CHM: variants seen among roughly 807,000 people sequenced by gnomAD.
CHM encodes CHM Rab escort protein, also known as rab proteins geranylgeranyltransferase component A 1.
CHM carries 10 observed loss-of-function variants against 49.0 expected under a neutral mutation model. The ratio of observed to expected loss-of-function variants is 0.20; its 90% CI spans 0.13 to 0.35. The LOEUF (loss-of-function observed/expected upper bound fraction) is 0.35. CHM is among the 10% of genes least tolerant of loss of function. The probability of loss-of-function intolerance (pLI) is 1.00; values close to 1 mark genes in which losing one functional copy is unlikely to be tolerated. For missense variants in CHM, 455 were observed against 478.4 expected (o/e 0.95, Z 0.46); for synonymous variants, 184 against 167.5 (o/e 1.10, Z -0.76).
intron 2 of CHM, among the ~76,000 whole-genome samples, chrX:85,993,535 T>C (rs979052675): frequency 8.9e-6 from 1 of 112,189 alleles, no homozygotes; most frequent in Non-Finnish European, 1.9e-5. Context: ...ACTACTGCCA[T>C]TGTGATCAGG....
chrX:85,955,068 A>G (rs1262304693), intron 8 of CHM, among the ~76,000 whole-genome samples: 2 of 111,468 alleles, frequency 1.8e-5, no homozygotes, highest in African/African-American at 6.5e-5. Flanking sequence ...ATGGAGACAG[A>G]GAGTAAAAGG....
chrX:85,872,440 C>T, intron 14 of CHM, among the ~76,000 whole-genome samples: 1 of 111,862 alleles, frequency 8.9e-6, no homozygotes. Flanking sequence ...TGTGCCTCTT[C>T]ATAGCCCTGA....
In CHM at chrX:85,916,511, C is replaced by T. The variant is rs192163146; in HGVS notation, c.1167-5173G>A. On this transcript the variant is annotated intron_variant, in intron 8 of 14. Coordinates refer to ENST00000357749, the MANE Select transcript of CHM (RefSeq NM_000390.4). Reference sequence around the variant, plus strand: ...GCAAAAGAAACTATCAACAGAGTAGCCAACCTACAGAATGGGAGAGAATTT... The same window carrying T: ...GCAAAAGAAACTATCAACAGAGTAGTCAACCTACAGAATGGGAGAGAATTT... Among the ~76,000 whole-genome samples the T allele has an allele frequency of 2.6e-3, 293 of 111,334 alleles. 1 individual carries two copies. The highest frequency in any genetic ancestry group is 9.2e-3 in the African/African-American group (281 of 30,660).
chrX:86,035,896 C>T (rs1292058927), intron 1 of CHM, among the ~76,000 whole-genome samples: 1 of 105,989 alleles, frequency 9.4e-6, no homozygotes, highest in African/African-American at 3.5e-5. Context: ...CGGGTTCACG[C>T]CATTCTTCTG....
chrX:85,932,746 T>C (rs1311983432), intron 8 of CHM, among the ~76,000 whole-genome samples: 2 of 111,869 alleles, frequency 1.8e-5, no homozygotes, highest in Non-Finnish European at 3.8e-5. Context: ...TTCGTCTGTA[T>C]ATTCTAGGAA....
At chrX:85,975,659 G>T (rs1382661020) in intron 4 of CHM, among the ~76,000 whole-genome samples, 7 of 112,391 alleles carry the variant, frequency 6.2e-5, no homozygotes, top group Non-Finnish European at 1.1e-4. Context: ...AATGGTAGGG[G>T]TGAGTAAGAA....
At chrX:86,040,896 G>C (rs1292980183) in intron 1 of CHM, among the ~76,000 whole-genome samples, 2 of 111,872 alleles carry the variant, frequency 1.8e-5, no homozygotes, top group Non-Finnish European at 3.8e-5. Context: ...TTTCCAATGA[G>C]CACCAACAGT....
At chrX:86,021,209 G>A (rs769262031) in intron 2 of CHM, among the ~76,000 whole-genome samples, 19 of 90,328 alleles carry the variant, frequency 2.1e-4, no homozygotes, top group Middle Eastern at 6.4e-3. Flanking sequence ...GAAGCACTTC[G>A]GGTCCCAAGC....
intron 1 of CHM, among the ~76,000 whole-genome samples, chrX:86,040,573 T>C (rs1934421057): frequency 1.8e-5 from 2 of 112,117 alleles, no homozygotes; most frequent in South Asian, 3.7e-4. Context: ...ACCAAATCAG[T>C]CAAGGAATAC....
At chrX:85,983,241 T>G (rs1931726160) in intron 2 of CHM, among the ~76,000 whole-genome samples, 1 of 110,798 alleles carries the variant, frequency 9.0e-6, no homozygotes, top group African/African-American at 3.3e-5. Context: ...TAATGTAAAT[T>G]CATGCACTGT....
intron 8 of CHM, among the ~76,000 whole-genome samples, chrX:85,914,298 G>A (rs1390240772): frequency 9.0e-6 from 1 of 110,671 alleles, no homozygotes; most frequent in African/African-American, 3.3e-5. Context: ...ACTGGACCTG[G>A]AGATTGCAAG....
chrX:85,902,913 A>C (rs1272251222), intron 9 of CHM, among the ~76,000 whole-genome samples: 1 of 111,823 alleles, frequency 8.9e-6, no homozygotes, highest in African/African-American at 3.2e-5. Context: ...GGGGTTGTTA[A>C]ATTTCTATAT....
chrX:85,907,482 C>T (rs942769181), intron 9 of CHM, among the ~76,000 whole-genome samples: 2 of 112,362 alleles, frequency 1.8e-5, no homozygotes, highest in South Asian at 3.6e-4. Context: ...AAACAGTCAA[C>T]GGAAGCATGC....
intron 12 of CHM, among the ~76,000 whole-genome samples, chrX:85,886,678 C>T (rs372896764): frequency 4.4e-4 from 49 of 110,612 alleles, no homozygotes; most frequent in South Asian, 1.9e-3. Context: ...AGACTGAGAA[C>T]AGAACAACTT....
chrX:86,008,816 G>A (rs1041547489), intron 2 of CHM, among the ~76,000 whole-genome samples: 41 of 111,977 alleles, frequency 3.7e-4, no homozygotes, highest in African/African-American at 1.2e-3. Context: ...TCTGTTTTCC[G>A]AAAAACTTTA....
chrX:85,877,216 A>G (rs1396345054), intron 13 of CHM, among the ~76,000 whole-genome samples: 3 of 111,825 alleles, frequency 2.7e-5, no homozygotes, highest in African/African-American at 9.7e-5. Context: ...TTAATTTGTA[A>G]ATTAACCCCC....
intron 9 of CHM, among the ~76,000 whole-genome samples, chrX:85,904,530 T>C (rs1056850792): frequency 8.9e-6 from 1 of 111,859 alleles, no homozygotes; most frequent in Non-Finnish European, 1.9e-5. Flanking sequence ...TCAGAATGAA[T>C]ATACCAACTA....
intron 4 of CHM, among the ~76,000 whole-genome samples, chrX:85,964,899 G>A (rs1930496543): frequency 8.9e-6 from 1 of 112,534 alleles, no homozygotes; most frequent in Non-Finnish European, 1.9e-5. Flanking sequence ...TATTTTCACT[G>A]AGTTGCCACA....
intron 2 of CHM, among the ~76,000 whole-genome samples, chrX:86,001,753 TTTC>T (rs1327997205): frequency 1.4e-4 from 15 of 110,658 alleles, no homozygotes; most frequent in Non-Finnish European, 2.8e-4. Context: ...AGGGATTACA[TTTC>T]AACATGAAAT....
Sources: gnomAD v4.1 joint callset for allele counts (sites outside exome capture counted in the v4.1 genomes callset) on GRCh38, gnomAD v4.1.1 for gene constraint, MANE v1.5 for transcripts, NCBI Gene and HGNC (gene_info 2026-07-23, HGNC 2026-07-21) for gene names.